Variants in USP34 observed in about 807,000 individuals in gnomAD.
USP34 encodes the protein ubiquitin specific peptidase 34.
Under a neutral mutation model 460.3 loss-of-function variants are expected in USP34, and 70 were observed. The observed-to-expected ratio is 0.15, with a 90% CI of 0.13 to 0.19. The LOEUF is 0.19. Ranked by LOEUF, USP34 falls within the 10% of genes least tolerant of loss-of-function variation. USP34 has a pLI of 1.00. For missense variants in USP34, 3,985 were observed against 4,236.2 expected, an observed-to-expected ratio of 0.94 and a Z score of 1.65; for synonymous variants, 1,647 against 1,405.3, an observed-to-expected ratio of 1.17 and a Z score of -3.85.
In USP34 at chr2:61,314,611, C is replaced by A; in HGVS notation, c.3516G>T (p.Lys1172Asn). 6.4e-7 allele frequency: 1 copy of A among 1,554,482 alleles called. No individual in the cohort carries two copies. Among genetic ancestry groups the A allele is most frequent in the Non-Finnish European group, 8.6e-7 (1 of 1,159,040 alleles). Reference protein sequence around the residue: ...MVIERGLLMLKTHLEAFRRRF... With the variant: ...MVIERGLLMLNTHLEAFRRRF... ...TTCTCCTAAACGCTTCCAGATGTGTCTTCAGCATAAGGAGTCCTCTTTCTA... is the reference window on the plus strand; with the variant it reads ...TTCTCCTAAACGCTTCCAGATGTGTATTCAGCATAAGGAGTCCTCTTTCTA... The change falls in exon 25 of 80, where the codon AAG becomes AAT. Residue 1172 changes from lysine to asparagine, a missense_variant. Around this residue, in one of 14 missense-constraint regions of USP34, gnomAD observed 1,114 missense variants for 1,122.5 expected, o/e 0.99. Transcript: ENST00000398571.
intron 53 of USP34, among the ~76,000 whole-genome samples, chr2:61,240,079 A>G (rs1688204166): frequency 6.6e-6 from 1 of 151,798 alleles, no homozygotes; most frequent in Non-Finnish European, 1.5e-5. Flanking sequence ...TCCAGATAGT[A>G]AAAGCTGAAT....
intron 16 of USP34, among the ~76,000 whole-genome samples, chr2:61,343,173 A>G (rs766497224): frequency 2.0e-5 from 3 of 152,238 alleles, no homozygotes; most frequent in Non-Finnish European, 4.4e-5. Flanking sequence ...GATACCAACC[A>G]AACAAGAGGT....
chr2:61,389,219 A>C (rs992250499), intron 5 of USP34, among the ~76,000 whole-genome samples: 4 of 152,150 alleles, frequency 2.6e-5, no homozygotes, highest in African/African-American at 4.8e-5. Context: ...AGGACTCATA[A>C]GGTAGGCTTC....
At chr2:61,338,091 G>A (rs971796982) in intron 18 of USP34, among the ~76,000 whole-genome samples, 34 of 152,160 alleles carry the variant, frequency 2.2e-4, no homozygotes, top group Non-Finnish European at 1.0e-4. Flanking sequence ...AGAAGCCAAG[G>A]CAGGAGGATC....
At chr2:61,321,497 T>C (rs1690921674) in intron 21 of USP34, among the ~76,000 whole-genome samples, 1 of 152,044 alleles carries the variant, frequency 6.6e-6, no homozygotes, top group African/African-American at 2.4e-5. Flanking sequence ...CAAAACTATC[T>C]CAATAAGTAT....
Position 61,214,132 on chromosome 2 carries a change from T to C in USP34, c.8610A>G (p.Arg2870=). Residue 2870 remains arginine (R), a synonymous_variant, in exon 68 of 80, where the codon CGA becomes CGG. Coordinates refer to ENST00000398571, the MANE Select transcript of USP34 (RefSeq NM_014709.4). ...LCCEQSPAFT[R]QLASHQNIQW... ...GGATGTTCTGGTGAGAAGCCAGTTG[T>C]CGTGTGAATGCAGGAGACTGCTCAC... 6.2e-7 allele frequency: 1 copy of C among 1,614,244 alleles called. No homozygotes were observed. Among genetic ancestry groups the C allele is most frequent in the South Asian group, 1.1e-5 (1 of 91,088 alleles).
chr2:61,378,390 T>C lies in USP34; in HGVS notation c.1049A>G (p.Asn350Ser), dbSNP rs1262790189. 3.1e-6 allele frequency: 5 copies of C among 1,598,668 alleles called. No individual in the cohort carries two copies. The highest frequency in any genetic ancestry group is 2.3e-5 in the East Asian group (1 of 44,224). The change falls in exon 8 of 80, where the codon AAT becomes AGT. Residue 350 changes from asparagine to serine, a missense_variant. By Grantham distance (46) the Asn-to-Ser change is conservative. Around this residue, in one of 14 missense-constraint regions of USP34, gnomAD observed 716 missense variants for 626.2 expected, o/e 1.14. Coordinates refer to ENST00000398571, the MANE Select transcript of USP34 (RefSeq NM_014709.4). ...QLHTFNDVCN[N>S]ESLVSDTETS... Reference sequence around the variant, plus strand: ...TTCTGTGTCCGATACTAATGATTCATTATTGCACACATCATTGAAGGTATG... The same window carrying C: ...TTCTGTGTCCGATACTAATGATTCACTATTGCACACATCATTGAAGGTATG...
chr2:61,257,751 A>G (rs1055421182), intron 44 of USP34, among the ~76,000 whole-genome samples: 7 of 152,164 alleles, frequency 4.6e-5, no homozygotes, highest in Admixed American at 2.0e-4. Context: ...TGCTAAAAAT[A>G]CAAAAACTAG....
intron 57 of USP34, among the ~76,000 whole-genome samples, chr2:61,233,327 A>G (rs1337928561): frequency 6.6e-6 from 1 of 152,236 alleles, no homozygotes; most frequent in Non-Finnish European, 1.5e-5. Flanking sequence ...TTAGTCAAAG[A>G]AAGCATGTGG....
rs774309711 is a variant in USP34 at position 61,405,789 on chromosome 2, G to A, written c.471C>T (p.Leu157=). ...SLWSTDEKEK[L]LLCVAKIFQI... ...GAAAAATTTTTGCCACACATAGTAA[G>A]AGTTTTTCCTTCTCATCTGTACTCC... The change falls in exon 3 of 80, where the codon CTC becomes CTT. Residue 157 remains leucine (L), a synonymous_variant. Coordinates refer to ENST00000398571, the MANE Select transcript of USP34 (RefSeq NM_014709.4). 92 of 1,609,288 alleles carry A rather than the reference G, an allele frequency of 5.7e-5. No homozygotes were observed. The highest frequency in any genetic ancestry group is 7.7e-5 in the Non-Finnish European group (91 of 1,178,850).
intron 1 of USP34, among the ~76,000 whole-genome samples, chr2:61,465,046 A>G (rs1244473548): frequency 6.6e-6 from 1 of 152,212 alleles, no homozygotes; most frequent in African/African-American, 2.4e-5. Flanking sequence ...CAAGCTTTTT[A>G]AATGTTTTTA....
intron 27 of USP34, among the ~76,000 whole-genome samples, chr2:61,310,319 C>T (rs565566498): frequency 9.9e-5 from 15 of 151,878 alleles, no homozygotes; most frequent in Admixed American, 7.2e-4. Context: ...TTTGTAATAG[C>T]AAAATAATGA....
chr2:61,464,674 C>T (rs1470867799), intron 1 of USP34, among the ~76,000 whole-genome samples: 20 of 143,002 alleles, frequency 1.4e-4, no homozygotes, highest in Non-Finnish European at 2.5e-4. Context: ...CCCAAGATCG[C>T]ACCACTGCAC....
intron 33 of USP34, among the ~76,000 whole-genome samples, chr2:61,292,093 C>A (rs887040006): frequency 6.6e-6 from 1 of 152,034 alleles, no homozygotes; most frequent in Admixed American, 6.6e-5. Flanking sequence ...TGAAGGGATA[C>A]AACTGTTCTG....
At chr2:61,231,922 G>A (rs1394186333) in intron 58 of USP34, among the ~76,000 whole-genome samples, 2 of 150,470 alleles carry the variant, frequency 1.3e-5, no homozygotes, top group African/African-American at 4.9e-5. Flanking sequence ...TATCTCAATA[G>A]TAACTGGAAA....
In USP34 at chr2:61,402,065, CGATAAACCCCATAAACACA is replaced by C. The variant is rs1038623078; in HGVS notation, c.552+3624_552+3642del. On this transcript the variant is annotated intron_variant, in intron 3 of 79. Transcript: ENST00000398571. ...CATGAGTTCGAGACCAGGCTGGTCT[CGATAAACCCCATAAACACA>C]GATAAACCCCATCTCTTAAAAAAGT... is the stretch of plus-strand genomic sequence containing the variant. Among the ~76,000 whole-genome samples the C allele has an allele frequency of 3.3e-5, 5 of 151,404 alleles. No individual in the cohort carries two copies. In the South Asian group the frequency reaches 6.3e-4, roughly 19 times the overall value.
intron 62 of USP34, 162 bp downstream of exon 62, chr2:61,226,902 ATAG>A: frequency 1.2e-6 from 1 of 831,148 alleles, no homozygotes; most frequent in Non-Finnish European, 1.7e-6. Context: ...GAGTTGATGA[ATAG>A]TAGTATTATT....
intron 20 of USP34, among the ~76,000 whole-genome samples, chr2:61,329,332 T>C (rs1469631847): frequency 6.6e-6 from 1 of 152,126 alleles, no homozygotes; most frequent in Admixed American, 6.6e-5. Context: ...GGTGATCCTA[T>C]GATTTTTATA....
intron 23 of USP34, 102 bp from the exon 24 acceptor site, chr2:61,315,076 T>C (rs1314931117): frequency 1.3e-6 from 1 of 765,990 alleles, no homozygotes; most frequent in East Asian, 2.7e-5. Context: ...ACTCCTATTA[T>C]TCAGCTATTA....
Sources: allele counts gnomAD v4.1 joint callset (sites outside exome capture counted in the v4.1 genomes callset), GRCh38; gene constraint gnomAD v4.1.1; regional missense constraint gnomAD v4.1.1; transcripts MANE v1.5; gene names NCBI Gene and HGNC (gene_info 2026-07-23, HGNC 2026-07-21).